The following TDP1 variants were observed in gnomAD, a reference collection of about 807,000 sequenced individuals.
The protein encoded by TDP1 is tyr-DNA phosphodiesterase 1.
Under a neutral mutation model 81.5 loss-of-function variants are expected in TDP1, and 64 were observed. That is an observed-to-expected ratio of 0.79 (90% CI 0.64 to 0.97). TDP1 has a LOEUF of 0.97. Among genes scored for constraint, TDP1 ranks in the 50% least tolerant of loss-of-function variants. The pLI, the probability that TDP1 is intolerant of heterozygous loss-of-function variation, is 0.00. For synonymous variants in TDP1, 256 were observed against 264.3 expected (o/e 0.97, Z 0.30); for missense variants, 723 against 743.8 (o/e 0.97, Z 0.33).
At chr14:90,018,148 C>T (rs1235755111) in intron 14 of TDP1, among the ~76,000 whole-genome samples, 1 of 151,838 alleles carries the variant, frequency 6.6e-6, no homozygotes, top group African/African-American at 2.4e-5. Context: ...AGTTCCAGCA[C>T]ATAGCTCAGA....
chr14:89,996,880 C>T (rs1027291544), intron 14 of TDP1, among the ~76,000 whole-genome samples: 1 of 152,160 alleles, frequency 6.6e-6, no homozygotes, highest in Non-Finnish European at 1.5e-5. Flanking sequence ...GGCGTTATCC[C>T]CTCCCTCCAC....
chr14:90,023,212 CT>C, intron 15 of TDP1: 1 of 661,888 alleles, frequency 1.5e-6, no homozygotes, highest in Non-Finnish European at 2.7e-6. Context: ...TTGGGAAAGG[CT>C]TTGTTAAGGA....
chr14:90,004,107 T>C lies in TDP1; in HGVS notation c.1541+10624T>C, dbSNP rs143744598. 5.4e-3 allele frequency among the ~76,000 whole-genome samples: 824 copies of C among 152,222 alleles called. 4 individuals are homozygous for C. The highest frequency in any genetic ancestry group is 0.01 in the Middle Eastern group (3 of 294). On this transcript the variant is annotated intron_variant, in intron 14 of 16. Coordinates refer to ENST00000335725, the MANE Select transcript of TDP1 (RefSeq NM_018319.4). ...TACTAACGCCTACAAGTGACTTCCT[T>C]TATACGATAGAGATGACTCAAGGTC...
chr14:89,984,042 T>G, intron 8 of TDP1: 4 of 872,548 alleles, frequency 4.6e-6, no homozygotes, highest in Non-Finnish European at 5.5e-6. Flanking sequence ...TTGGTATAGA[T>G]AACACAATTC....
rs1286040433 is a variant in TDP1, at chr14:89,998,439, T to C, written c.1541+4956T>C. Among the ~76,000 whole-genome samples, 121 of 129,250 alleles carry C rather than the reference T, an allele frequency of 9.4e-4. 9 individuals are homozygous for C. Among genetic ancestry groups the C allele is most frequent in the African/African-American group, 4.2e-3 (114 of 27,120 alleles). The allele number at this position is 129,250 out of a possible 152,430, so 84.8% of individuals were successfully genotyped here. A position where few individuals can be genotyped will look rare whatever the true frequency, so the allele number is the denominator to read the frequency against. ...ATATATATATGTATGTATGTATGTA[T>C]GTATATGTATATGTATATATATGTA... On this transcript the variant is annotated intron_variant, in intron 14 of 16. Coordinates refer to ENST00000335725, the MANE Select transcript of TDP1 (RefSeq NM_018319.4).
intron 15 of TDP1, among the ~76,000 whole-genome samples, chr14:90,023,358 G>C (rs1038187009): frequency 6.6e-6 from 1 of 152,132 alleles, no homozygotes; most frequent in Non-Finnish European, 1.5e-5. Context: ...TTGGAATGGG[G>C]ATGGGGCGTG....
intron 10 of TDP1, among the ~76,000 whole-genome samples, chr14:89,987,994 C>G (rs1895760272): frequency 6.6e-6 from 1 of 152,206 alleles, no homozygotes. Context: ...GAACTTCTGA[C>G]TGACCAGCTT....
intron 13 of TDP1, chr14:89,993,006 C>T: frequency 2.2e-6 from 2 of 925,130 alleles, no homozygotes; most frequent in Non-Finnish European, 2.6e-6. Context: ...TGAGCCTCTA[C>T]TCATAACACA....
chr14:90,003,617 C>G (rs549241441), intron 14 of TDP1, among the ~76,000 whole-genome samples: 1 of 152,262 alleles, frequency 6.6e-6, no homozygotes, highest in African/African-American at 2.4e-5. Flanking sequence ...AATTGGCAAA[C>G]CCAATGAGAA....
At chr14:90,010,332 G>T (rs1251543991) in intron 14 of TDP1, among the ~76,000 whole-genome samples, 4 of 152,170 alleles carry the variant, frequency 2.6e-5, no homozygotes, top group African/African-American at 9.7e-5. Context: ...TTATAACTGG[G>T]CAAACATTTG....
Position 89,988,997 on chromosome 14 carries a change from A to T in TDP1, c.1224A>T (p.Glu408Asp). 6.2e-7 allele frequency: 1 copy of T among 1,614,184 alleles called. No homozygotes were observed. The highest frequency in any genetic ancestry group is 1.1e-5 in the South Asian group (1 of 91,086). The change falls in exon 11 of 17, where the codon GAA becomes GAT. Residue 408 changes from glutamate to aspartate, a missense_variant. Coordinates refer to ENST00000335725, the MANE Select transcript of TDP1 (RefSeq NM_018319.4). ...FSSVGSLGADESKWLCSEFKE... is the reference protein window; with the variant it reads ...FSSVGSLGADDSKWLCSEFKE... ...GCGTTGGCTCCTTGGGAGCCGATGA[A>T]TCAAAGTGGTTATGTTCTGAGTTTA...
At chr14:90,003,391 T>C (rs911095850) in intron 14 of TDP1, among the ~76,000 whole-genome samples, 1 of 152,254 alleles carries the variant, frequency 6.6e-6, no homozygotes, top group Non-Finnish European at 1.5e-5. Context: ...TTTGATTGGT[T>C]ACTTTTATGG....
intron 15 of TDP1, among the ~76,000 whole-genome samples, chr14:90,025,742 T>C (rs991854120): frequency 3.9e-5 from 6 of 152,230 alleles, no homozygotes; most frequent in African/African-American, 1.4e-4. Flanking sequence ...AAAGCTGTGA[T>C]TATTTCAAAG....
In TDP1 at chr14:89,966,039, TTC is replaced by T. The variant is rs1330383690; in HGVS notation, c.560-106_560-105del. 7.0e-6 allele frequency: 7 copies of T among 999,390 alleles called. No homozygotes were observed. The African/African-American group carries it at 9.5e-5, about 14-fold the overall frequency. The allele number at this position is 999,390 out of a possible 1,614,324, so 61.9% of individuals were successfully genotyped here. On this transcript the variant is annotated intron_variant, in intron 3 of 16. Coordinates refer to ENST00000335725, the MANE Select transcript of TDP1 (RefSeq NM_018319.4). ...TGTAGTAACTGTTTAGCTTACTGTG[TTC>T]TGAGTCAGATCTTGATTGTCAGTGA...
At chr14:90,030,196 C>T (rs1382706537) in intron 15 of TDP1, among the ~76,000 whole-genome samples, 2 of 152,322 alleles carry the variant, frequency 1.3e-5, no homozygotes, top group Admixed American at 6.5e-5. Flanking sequence ...GCTGGCCTGC[C>T]TGCCCTCCGT....
At chr14:89,988,058 G>A (rs1413457802) in intron 10 of TDP1, among the ~76,000 whole-genome samples, 1 of 151,988 alleles carries the variant, frequency 6.6e-6, no homozygotes, top group Admixed American at 6.5e-5. Flanking sequence ...AGAGCAGCTC[G>A]CTGAACTCAG....
intron 15 of TDP1, chr14:90,022,795 A>G: frequency 1.0e-6 from 1 of 984,518 alleles, no homozygotes. Context: ...GATGGTTTTG[A>G]CCTTGAGGAT....
intron 15 of TDP1, among the ~76,000 whole-genome samples, chr14:90,026,539 C>A (rs538733502): frequency 6.6e-6 from 1 of 152,308 alleles, no homozygotes; most frequent in Non-Finnish European, 1.5e-5. Flanking sequence ...TATACATGTG[C>A]CATGTTGGTG....
intron 2 of TDP1, chr14:89,962,884 A>AT (rs1892496121): frequency 5.1e-6 from 5 of 981,772 alleles, no homozygotes; most frequent in East Asian, 1.1e-4. Flanking sequence ...AAAAAAAAAA[A>AT]GGAAGAAAAA....
Sources: allele counts gnomAD v4.1 joint callset (sites outside exome capture counted in the v4.1 genomes callset), GRCh38; gene constraint gnomAD v4.1.1; transcripts MANE v1.5; gene names NCBI Gene and HGNC (gene_info 2026-07-23, HGNC 2026-07-21).